The following LYPLAL1 variants were observed in gnomAD, a reference collection of about 807,000 sequenced individuals.
The protein encoded by LYPLAL1 is lysophospholipase like 1.
Under a neutral mutation model 19.7 loss-of-function variants are expected in LYPLAL1, and 23 were observed. The observed-to-expected ratio is 1.17, with a 90% CI of 0.84 to 1.65. The LOEUF is 1.65. Among genes scored for constraint, LYPLAL1 ranks in the 40% most tolerant of loss-of-function variants. LYPLAL1 has a pLI of 0.00. For synonymous variants in LYPLAL1, 119 were observed against 96.3 expected, an observed-to-expected ratio of 1.24 and a Z score of -1.38; for missense variants, 355 against 279.4, an observed-to-expected ratio of 1.27 and a Z score of -1.93.
At chr1:219,412,779 G>A in the LYPLAL1 span, among the ~76,000 whole-genome samples, 1 of 152,164 alleles carries the variant, frequency 6.6e-6, no homozygotes, top group Non-Finnish European at 1.5e-5. Flanking sequence ...CAATGTTACC[G>A]ACACAGGCAA....
At chr1:219,209,353 A>G (rs1401547026) in intron 3 of LYPLAL1, among the ~76,000 whole-genome samples, 2 of 152,124 alleles carry the variant, frequency 1.3e-5, no homozygotes, top group Admixed American at 6.6e-5. Context: ...AAGTAGTCCT[A>G]TTTTAATAAA....
the LYPLAL1 span, among the ~76,000 whole-genome samples, chr1:219,247,214 A>G: frequency 6.6e-6 from 1 of 152,230 alleles, no homozygotes; most frequent in Admixed American, 6.5e-5. Context: ...TTTCTAGTAC[A>G]TTATAGTCAA....
At chr1:219,272,486 A>G in the LYPLAL1 span, 1 of 152,286 alleles carries the variant, frequency 6.6e-6, no homozygotes, top group African/African-American at 2.4e-5. Context: ...CAAAAGAGAA[A>G]TGATCTGGGC....
At chr1:219,423,323 T>C in the LYPLAL1 span, among the ~76,000 whole-genome samples, 1 of 152,188 alleles carries the variant, frequency 6.6e-6, no homozygotes, top group Non-Finnish European at 1.5e-5. Flanking sequence ...CAGCCCATCA[T>C]GTCCCAGTGT....
At chr1:219,443,532 G>T in the LYPLAL1 span, among the ~76,000 whole-genome samples, 1 of 152,124 alleles carries the variant, frequency 6.6e-6, no homozygotes, top group Non-Finnish European at 1.5e-5. Context: ...TGTGTGCCCA[G>T]AAGTACAGTA....
chr1:219,438,096 A>G, the LYPLAL1 span, among the ~76,000 whole-genome samples: 1 of 152,148 alleles, frequency 6.6e-6, no homozygotes, highest in Non-Finnish European at 1.5e-5. Context: ...TCAGTGAGGA[A>G]AAAAGGACCC....
chr1:219,434,889 G>GAA, the LYPLAL1 span, among the ~76,000 whole-genome samples: 47 of 148,962 alleles, frequency 3.2e-4, no homozygotes, highest in Non-Finnish European at 6.0e-4. Context: ...TGCTGTACTG[G>GAA]AAAAAAAAAA....
At chr1:219,231,555 G>A in the LYPLAL1 span, among the ~76,000 whole-genome samples, 1 of 151,894 alleles carries the variant, frequency 6.6e-6, no homozygotes, top group Admixed American at 6.6e-5. Flanking sequence ...CATGTATTGA[G>A]GTTTTTCAGA....
chr1:219,277,472 A>G, the LYPLAL1 span, among the ~76,000 whole-genome samples: 8 of 152,196 alleles, frequency 5.3e-5, no homozygotes, highest in South Asian at 6.2e-4. Context: ...TCACTTATCT[A>G]AACATGGGCC....
chr1:219,407,580 T>A, the LYPLAL1 span, among the ~76,000 whole-genome samples: 55 of 152,342 alleles, frequency 3.6e-4, no homozygotes, highest in African/African-American at 1.3e-3. Context: ...GTGAGAGGTA[T>A]GTTTTGTTTT....
the LYPLAL1 span, among the ~76,000 whole-genome samples, chr1:219,278,687 C>CAACAAT: frequency 6.6e-6 from 1 of 151,880 alleles, no homozygotes; most frequent in African/African-American, 2.4e-5. Flanking sequence ...TAAACAACAA[C>CAACAAT]AACAACAACA....
At chr1:219,215,753 T>G (rs77187588), downstream of LYPLAL1, among the ~76,000 whole-genome samples, 736 of 152,184 alleles carry the variant, frequency 4.8e-3, 3 homozygotes, top group Non-Finnish European at 8.6e-3. Flanking sequence ...TAAGCCAGAG[T>G]AGTCATAAAG....
At chr1:219,179,080 T>C in intron 1 of LYPLAL1, 67 bp from the exon 2 acceptor site, 1 of 1,110,200 alleles carries the variant, frequency 9.0e-7, no homozygotes, top group South Asian at 1.5e-5. Flanking sequence ...ATAAAAGTTT[T>C]AGACTGCTTT....
At chr1:219,402,945 A>G in the LYPLAL1 span, among the ~76,000 whole-genome samples, 1 of 152,218 alleles carries the variant, frequency 6.6e-6, no homozygotes, top group Non-Finnish European at 1.5e-5. Flanking sequence ...AGTTCTGTCA[A>G]GAATGAAGAG....
chr1:219,182,093 T>C (rs1241154648), intron 2 of LYPLAL1, among the ~76,000 whole-genome samples: 3 of 152,164 alleles, frequency 2.0e-5, no homozygotes, highest in Non-Finnish European at 4.4e-5. Flanking sequence ...TTGTTGTTCA[T>C]AAGGGGTTGC....
intron 2 of LYPLAL1, 21 bp from the exon 3 acceptor site, chr1:219,193,061 G>A (rs887815355): frequency 6.6e-7 from 1 of 1,510,758 alleles, no homozygotes; most frequent in East Asian, 2.3e-5. Context: ...TTTTTTTTGG[G>A]GGGGGGCGGT....
At chr1:219,286,780 A>C in the LYPLAL1 span, among the ~76,000 whole-genome samples, 7 of 152,362 alleles carry the variant, frequency 4.6e-5, no homozygotes, top group African/African-American at 1.4e-4. Context: ...CTTTTGCTCC[A>C]TAAGATTTGC....
chr1:219,218,610 A>C, the LYPLAL1 span, among the ~76,000 whole-genome samples: 1 of 151,990 alleles, frequency 6.6e-6, no homozygotes, highest in African/African-American at 2.4e-5. Context: ...AATTGGACAC[A>C]CTTGATGTAA....
the LYPLAL1 span, among the ~76,000 whole-genome samples, chr1:219,436,305 G>T: frequency 6.6e-6 from 1 of 152,122 alleles, no homozygotes; most frequent in East Asian, 1.9e-4. Flanking sequence ...TTGTATTTGT[G>T]GGCCCCCTTT....
Sources: allele counts gnomAD v4.1 joint callset (sites outside exome capture counted in the v4.1 genomes callset), GRCh38; gene constraint gnomAD v4.1.1; transcripts MANE v1.5; gene names NCBI Gene and HGNC (gene_info 2026-07-23, HGNC 2026-07-21).